CREB5: variants seen among roughly 807,000 people sequenced by gnomAD.
CREB5 encodes the protein cyclic AMP-responsive element-binding protein 5.
In CREB5, 19 loss-of-function variants were observed where a neutral mutation model predicts 57.1. That is an observed-to-expected ratio of 0.33 (90% confidence interval 0.23 to 0.49). CREB5 has a LOEUF of 0.49. Among genes scored for constraint, CREB5 ranks in the 20% least tolerant of loss-of-function variants. CREB5 has a pLI of 0.99. For missense variants in CREB5, 579 were observed against 671.6 expected (o/e 0.86, Z 1.52); for synonymous variants, 238 against 238.3 (o/e 1.00, Z 0.01).
At chr7:28,751,966 T>A (rs1236736263) in intron 7 of CREB5, among the ~76,000 whole-genome samples, 1 of 152,178 alleles carries the variant, frequency 6.6e-6, no homozygotes, top group Non-Finnish European at 1.5e-5. Flanking sequence ...CCAGTTTGTG[T>A]TTGGGTGATG....
intron 7 of CREB5, among the ~76,000 whole-genome samples, chr7:28,768,557 A>C (rs773508270): frequency 5.3e-5 from 8 of 152,234 alleles, no homozygotes; most frequent in Non-Finnish European, 1.0e-4. Flanking sequence ...AAGTTGCTTT[A>C]TAGTCAGGGA....
chr7:28,446,420 A>G (rs1789470816), intron 1 of CREB5, among the ~76,000 whole-genome samples: 3 of 152,188 alleles, frequency 2.0e-5, no homozygotes, highest in Non-Finnish European at 4.4e-5. Flanking sequence ...GCACAAAAGA[A>G]CTAGACATTT....
At chr7:28,799,793 G>A (rs1030121341) in intron 7 of CREB5, among the ~76,000 whole-genome samples, 1 of 152,158 alleles carries the variant, frequency 6.6e-6, no homozygotes, top group East Asian at 1.9e-4. Context: ...GTGTGGAGCA[G>A]TAAACTGTTT....
intron 1 of CREB5, among the ~76,000 whole-genome samples, chr7:28,304,044 A>T (rs761431772): frequency 6.6e-6 from 1 of 152,200 alleles, no homozygotes; most frequent in Non-Finnish European, 1.5e-5. Flanking sequence ...AATGTGGCTC[A>T]AATGTATAAA....
chr7:28,766,952 T>C (rs555568339), intron 7 of CREB5, among the ~76,000 whole-genome samples: 1 of 152,348 alleles, frequency 6.6e-6, no homozygotes, highest in Non-Finnish European at 1.5e-5. Context: ...ACAGGTCATC[T>C]GCACTCCAGT....
At chr7:28,578,710 C>T (rs1263281165) in intron 5 of CREB5, among the ~76,000 whole-genome samples, 5 of 152,046 alleles carry the variant, frequency 3.3e-5, no homozygotes, top group Admixed American at 3.3e-4. Flanking sequence ...CCTATGATGC[C>T]CTTTGCATGT....
intron 1 of CREB5, among the ~76,000 whole-genome samples, chr7:28,440,487 A>G (rs562713242): frequency 6.6e-6 from 1 of 152,254 alleles, no homozygotes; most frequent in Non-Finnish European, 1.5e-5. Flanking sequence ...GTTGCATGAT[A>G]TATTGCAGCC....
intron 1 of CREB5, among the ~76,000 whole-genome samples, chr7:28,416,619 GA>G (rs1008080966): frequency 2.6e-5 from 4 of 152,152 alleles, no homozygotes; most frequent in African/African-American, 9.7e-5. Context: ...ACATTGTGCA[GA>G]AAAACACTGA....
At chr7:28,347,941 G>A (rs1466420556) in intron 1 of CREB5, among the ~76,000 whole-genome samples, 1 of 152,144 alleles carries the variant, frequency 6.6e-6, no homozygotes, top group Non-Finnish European at 1.5e-5. Context: ...GTGTCCTTGA[G>A]GGATTGTTGT....
At chr7:28,790,922 AACCAT>A (rs1429600072) in intron 7 of CREB5, among the ~76,000 whole-genome samples, 1 of 152,202 alleles carries the variant, frequency 6.6e-6, no homozygotes, top group Non-Finnish European at 1.5e-5. Flanking sequence ...ACATTTGGTT[AACCAT>A]TTTGTTAGCC....
chr7:28,365,479 C>T (rs1419458863), intron 1 of CREB5, among the ~76,000 whole-genome samples: 1 of 152,172 alleles, frequency 6.6e-6, no homozygotes, highest in Non-Finnish European at 1.5e-5. Flanking sequence ...TTGAACTCTT[C>T]CCATCAGCAA....
At chr7:28,772,218 C>T (rs1427083360) in intron 7 of CREB5, among the ~76,000 whole-genome samples, 1 of 152,158 alleles carries the variant, frequency 6.6e-6, no homozygotes, top group Non-Finnish European at 1.5e-5. Context: ...GACGGCTAGA[C>T]ACTTGGGACC....
intron 5 of CREB5, among the ~76,000 whole-genome samples, chr7:28,693,657 A>G (rs971106590): frequency 5.3e-5 from 8 of 152,258 alleles, no homozygotes; most frequent in African/African-American, 1.9e-4. Context: ...ACCTGGGGGC[A>G]AACTCTGGCT....
intron 5 of CREB5, among the ~76,000 whole-genome samples, chr7:28,671,697 T>G (rs1324218031): frequency 1.3e-5 from 2 of 152,168 alleles, no homozygotes; most frequent in Non-Finnish European, 2.9e-5. Context: ...GTGTGGTGGA[T>G]TAGAGTATGA....
intron 7 of CREB5, among the ~76,000 whole-genome samples, chr7:28,726,959 G>A (rs566322844): frequency 6.6e-6 from 1 of 152,126 alleles, no homozygotes; most frequent in South Asian, 2.1e-4. Context: ...AATTTTGTTA[G>A]AATTTTTCTG....
intron 5 of CREB5, among the ~76,000 whole-genome samples, chr7:28,687,943 C>CTTCT (rs1327007481): frequency 2.6e-5 from 4 of 152,186 alleles, no homozygotes; most frequent in Non-Finnish European, 4.4e-5. Flanking sequence ...CTCCTCCCCG[C>CTTCT]ATGGGGAACC....
chr7:28,482,006 G>T (rs1430231817), intron 1 of CREB5, among the ~76,000 whole-genome samples: 1 of 152,168 alleles, frequency 6.6e-6, no homozygotes, highest in African/African-American at 2.4e-5. Context: ...GAAAAATAAA[G>T]ATATATTTGA....
At chr7:28,781,661 G>A (rs1274822314) in intron 7 of CREB5, among the ~76,000 whole-genome samples, 1 of 151,998 alleles carries the variant, frequency 6.6e-6, no homozygotes, top group African/African-American at 2.4e-5. Flanking sequence ...AAAGTATAAC[G>A]TTTCATTTCA....
rs1554302812 is a variant in CREB5, at chr7:28,327,163, A to AAG, written c.-25+27723_-25+27724insGA. Among the ~76,000 whole-genome samples, 719 of 149,598 alleles carry AAG rather than the reference A, an allele frequency of 4.8e-3. 9 individuals carry two copies. Among genetic ancestry groups the AAG allele is most frequent in the African/African-American group, 0.015 (633 of 40,930 alleles). ...GACTCCATCTCAAAAAAAAAAAAAA[A>AAG]AAAAAGGAAACCGTATTTAGTAGAT... On this transcript the variant is annotated intron_variant, in intron 1 of 9. Transcript: ENST00000396299.
Sources: gnomAD v4.1 joint callset for allele counts (sites outside exome capture counted in the v4.1 genomes callset) on GRCh38, gnomAD v4.1.1 for gene constraint, MANE v1.5 for transcripts, NCBI Gene and HGNC (gene_info 2026-07-23, HGNC 2026-07-21) for gene names.